The following CSRNP3 variants were observed in gnomAD, a reference collection of about 807,000 sequenced individuals.
CSRNP3 encodes the protein cysteine/serine-rich nuclear protein 3.
In CSRNP3, 12 loss-of-function variants were observed where a neutral mutation model predicts 48.0. The ratio of observed to expected loss-of-function variants is 0.25; its 90% CI spans 0.16 to 0.41. The LOEUF (loss-of-function observed/expected upper bound fraction) is 0.41. Ranked by LOEUF, CSRNP3 falls within the 10% of genes least tolerant of loss-of-function variation. The pLI is 1.00. For synonymous variants in CSRNP3, 263 were observed against 269.7 expected (o/e 0.98, Z 0.24); for missense variants, 580 against 724.4 (o/e 0.80, Z 2.29).
At chr2:165,642,165 G>A (rs1290946755) in intron 4 of CSRNP3, among the ~76,000 whole-genome samples, 2 of 148,714 alleles carry the variant, frequency 1.3e-5, no homozygotes, top group Non-Finnish European at 3.0e-5. Context: ...TGTATGTATT[G>A]CCCTATGCAC....
chr2:165,677,195 G>A (rs932474189), intron 6 of CSRNP3, among the ~76,000 whole-genome samples: 1 of 152,178 alleles, frequency 6.6e-6, no homozygotes, highest in Admixed American at 6.5e-5. Context: ...GGCCAAATCC[G>A]ACCTTGCCAC....
intron 3 of CSRNP3, among the ~76,000 whole-genome samples, chr2:165,577,793 T>C (rs989492146): frequency 6.6e-6 from 1 of 151,896 alleles, no homozygotes; most frequent in African/African-American, 2.4e-5. Context: ...GAAATCAATT[T>C]TGAACTTTGC....
chr2:165,537,967 C>CA (rs1430255847), intron 3 of CSRNP3, among the ~76,000 whole-genome samples: 3 of 151,212 alleles, frequency 2.0e-5, no homozygotes, highest in African/African-American at 7.3e-5. Flanking sequence ...AACTACTGAG[C>CA]TTTTTTTTTC....
chr2:165,656,091 T>A (rs998269688), intron 4 of CSRNP3, among the ~76,000 whole-genome samples: 1 of 152,232 alleles, frequency 6.6e-6, no homozygotes, highest in African/African-American at 2.4e-5. Flanking sequence ...AATAGCATGA[T>A]TCTTTCTTCT....
At chr2:165,664,440 G>A (rs1687146017) in intron 5 of CSRNP3, among the ~76,000 whole-genome samples, 1 of 152,212 alleles carries the variant, frequency 6.6e-6, no homozygotes, top group Non-Finnish European at 1.5e-5. Flanking sequence ...CTGCTGCCAT[G>A]TGACCCGAAT....
At chr2:165,627,800 A>G (rs1246467934) in intron 4 of CSRNP3, among the ~76,000 whole-genome samples, 1 of 152,212 alleles carries the variant, frequency 6.6e-6, no homozygotes, top group African/African-American at 2.4e-5. Flanking sequence ...ACCCAGAGAC[A>G]TGGTCAGAGC....
At chr2:165,484,040 A>G (rs1366324340) in intron 1 of CSRNP3, among the ~76,000 whole-genome samples, 2 of 152,230 alleles carry the variant, frequency 1.3e-5, no homozygotes, top group African/African-American at 2.4e-5. Flanking sequence ...TATTTTATAT[A>G]TGTCTCAAAA....
At chr2:165,596,007 G>C (rs1227673871) in intron 4 of CSRNP3, among the ~76,000 whole-genome samples, 2 of 151,854 alleles carry the variant, frequency 1.3e-5, no homozygotes, top group Non-Finnish European at 1.5e-5. Context: ...TTTTAGTATA[G>C]ATGGCGTTTC....
At chr2:165,500,088 A>G (rs1484549656) in intron 2 of CSRNP3, among the ~76,000 whole-genome samples, 2 of 151,348 alleles carry the variant, frequency 1.3e-5, no homozygotes, top group Non-Finnish European at 2.9e-5. Flanking sequence ...CTCAAACTCA[A>G]TTGAAACAAT....
intron 4 of CSRNP3, among the ~76,000 whole-genome samples, chr2:165,657,170 G>T (rs1004546725): frequency 6.6e-6 from 1 of 152,082 alleles, no homozygotes; most frequent in Non-Finnish European, 1.5e-5. Context: ...TTACATAGTA[G>T]CCATCTCGGT....
rs545560489 is a variant in CSRNP3, at chr2:165,661,946, G to A, written c.408+3926G>A. 2.6e-5 allele frequency among the ~76,000 whole-genome samples: 4 copies of A among 152,234 alleles called. No homozygotes were observed. In the South Asian group the frequency reaches 8.3e-4, roughly 32 times the overall value. ...ACCAACAGCCCCAAAACAGGAAGAAGAAGTTCCTCTTTCCACTGTCCCTCT... is the reference window on the plus strand; with the variant it reads ...ACCAACAGCCCCAAAACAGGAAGAAAAAGTTCCTCTTTCCACTGTCCCTCT... On this transcript the variant is annotated intron_variant, in intron 5 of 6. Coordinates refer to ENST00000651982, the MANE Select transcript of CSRNP3 (RefSeq NM_001172173.2).
intron 2 of CSRNP3, among the ~76,000 whole-genome samples, chr2:165,498,362 G>A (rs1558917240): frequency 6.6e-6 from 1 of 151,974 alleles, no homozygotes; most frequent in Non-Finnish European, 1.5e-5. Flanking sequence ...TTTGCCAGAT[G>A]GATGCCTGGA....
chr2:165,510,079 A>G (rs1311233921), intron 2 of CSRNP3, among the ~76,000 whole-genome samples: 2 of 152,190 alleles, frequency 1.3e-5, no homozygotes, highest in Non-Finnish European at 2.9e-5. Flanking sequence ...GATATATAAT[A>G]TCAGCATAAT....
intron 2 of CSRNP3, among the ~76,000 whole-genome samples, chr2:165,506,799 C>T (rs1220048516): frequency 6.6e-6 from 1 of 152,154 alleles, no homozygotes. Context: ...CAACCCTAGC[C>T]TGGGCCGCAT....
At chr2:165,530,694 T>G (rs538355290) in intron 3 of CSRNP3, among the ~76,000 whole-genome samples, 231 of 152,244 alleles carry the variant, frequency 1.5e-3, no homozygotes, top group African/African-American at 5.2e-3. Flanking sequence ...TTTCTGCTGC[T>G]TCTCTATTTT....
At chr2:165,570,994 A>T (rs1333327432) in intron 3 of CSRNP3, among the ~76,000 whole-genome samples, 4 of 151,952 alleles carry the variant, frequency 2.6e-5, no homozygotes, top group Admixed American at 2.6e-4. Flanking sequence ...ACTTAACCAT[A>T]CTTACCTATT....
chr2:165,597,213 T>G (rs115673646), intron 4 of CSRNP3, among the ~76,000 whole-genome samples: 3,420 of 152,286 alleles, frequency 0.022, 137 homozygotes, highest in African/African-American at 0.078. Context: ...ATTAATGGTT[T>G]CAACATTAAT....
chr2:165,591,610 C>G (rs746363713), intron 3 of CSRNP3, among the ~76,000 whole-genome samples: 22 of 152,108 alleles, frequency 1.4e-4, no homozygotes, highest in Non-Finnish European at 3.2e-4. Context: ...AACATGGTCC[C>G]CTGTGTCCCA....
intron 2 of CSRNP3, among the ~76,000 whole-genome samples, chr2:165,512,744 G>C (rs768855863): frequency 7.9e-5 from 12 of 152,196 alleles, no homozygotes; most frequent in Non-Finnish European, 1.5e-4. Context: ...AATTGGAGTG[G>C]TATTGATATC....
Sources: allele counts gnomAD v4.1 joint callset (sites outside exome capture counted in the v4.1 genomes callset), GRCh38; gene constraint gnomAD v4.1.1; transcripts MANE v1.5; gene names NCBI Gene and HGNC (gene_info 2026-07-23, HGNC 2026-07-21).